PPP1R8: variants seen among roughly 807,000 people sequenced by gnomAD.
PPP1R8 encodes the protein nuclear inhibitor of protein phosphatase 1.
In PPP1R8, 4 loss-of-function variants were observed where a neutral mutation model predicts 31.3. The ratio of observed to expected loss-of-function variants is 0.13; its 90% CI spans 0.06 to 0.29. The LOEUF is 0.29. PPP1R8 is among the 10% of genes least tolerant of loss of function. PPP1R8 has a pLI of 1.00. For synonymous variants in PPP1R8, 170 were observed against 169.7 expected (o/e 1.00, Z -0.01); for missense variants, 254 against 440.1 (o/e 0.58, Z 3.78).
chr1:27,847,223 G>T (rs945074438), intron 6 of PPP1R8, 131 bp downstream of exon 6: 6 of 870,656 alleles, frequency 6.9e-6, no homozygotes, highest in African/African-American at 1.7e-5. Flanking sequence ...TCAAGAAATC[G>T]AGGCCAGGCA....
intron 2 of PPP1R8, among the ~76,000 whole-genome samples, chr1:27,836,797 T>A (rs2089170910): frequency 6.6e-6 from 1 of 151,880 alleles, no homozygotes; most frequent in Admixed American, 6.6e-5. Flanking sequence ...TTTGGGAGGT[T>A]GAGGCTGGCC....
rs772719531 is a variant in PPP1R8 at position 27,830,824 on chromosome 1, G to A, written c.-12G>A. 5 of 1,573,862 alleles carry A rather than the reference G, an allele frequency of 3.2e-6. No individual in the cohort carries two copies. In the South Asian group the frequency reaches 4.7e-5, roughly 15 times the overall value. ...TGCTTAGGGCGCGCCAAATGGGAGG[G>A]GGAGACGCAAGATGGCGGCAGCCGC... is the stretch of plus-strand genomic sequence containing the variant. On this transcript the variant is annotated 5_prime_UTR_variant, in exon 1 of 7. Coordinates refer to ENST00000311772, the MANE Select transcript of PPP1R8 (RefSeq NM_014110.5).
intron 5 of PPP1R8, among the ~76,000 whole-genome samples, chr1:27,845,246 T>C (rs1362847399): frequency 6.7e-6 from 1 of 150,308 alleles, no homozygotes; most frequent in African/African-American, 2.5e-5. Flanking sequence ...AAAAATTAGC[T>C]GGGTGTGGTG....
intron 6 of PPP1R8, 140 bp downstream of exon 6, chr1:27,847,232 C>G: frequency 1.3e-6 from 1 of 771,134 alleles, no homozygotes; most frequent in Non-Finnish European, 2.2e-6. Context: ...CGAGGCCAGG[C>G]ACAGTGGCTC....
intron 2 of PPP1R8, among the ~76,000 whole-genome samples, chr1:27,835,263 T>C (rs1459093852): frequency 6.6e-6 from 1 of 152,166 alleles, no homozygotes; most frequent in Non-Finnish European, 1.5e-5. Context: ...TTTAAGTTTG[T>C]GACAGCATAA....
chr1:27,838,622 A>G, intron 2 of PPP1R8, 77 bp from the exon 3 acceptor site: 1 of 978,680 alleles, frequency 1.0e-6, no homozygotes, highest in Non-Finnish European at 1.4e-6. Context: ...TCTACTCAAG[A>G]TTCTCTATTT....
intron 1 of PPP1R8, chr1:27,831,131 C>A: frequency 7.7e-7 from 1 of 1,300,898 alleles, no homozygotes; most frequent in Non-Finnish European, 9.7e-7. Flanking sequence ...ACTTAGGCAG[C>A]CCCTTTGAGC....
chr1:27,850,778 G>A lies in PPP1R8; in HGVS notation c.*332G>A, dbSNP rs1185838644. The A allele has an allele frequency of 9.0e-6, 2 of 221,154 alleles. No homozygotes were observed. The highest frequency in any genetic ancestry group is 1.8e-5 in the Non-Finnish European group (2 of 110,788). The allele number at this position is 221,154 out of a possible 1,614,324, so 13.7% of individuals were successfully genotyped here. ...AAAGTCACATATCCCAGGCCCTCAG[G>A]TTGAATCCAGAGCTGTAGAGGTTAC... On this transcript the variant is annotated 3_prime_UTR_variant, in exon 7 of 7. Coordinates refer to ENST00000311772, the MANE Select transcript of PPP1R8 (RefSeq NM_014110.5).
intron 2 of PPP1R8, among the ~76,000 whole-genome samples, chr1:27,836,830 G>A (rs545526392): frequency 9.7e-4 from 148 of 151,946 alleles, no homozygotes; most frequent in African/African-American, 3.1e-3. Context: ...TGAGGAGTTC[G>A]AGACCAGCCT....
At chr1:27,839,707 A>T (rs774212186) in intron 3 of PPP1R8, among the ~76,000 whole-genome samples, 35 of 152,214 alleles carry the variant, frequency 2.3e-4, no homozygotes, top group Non-Finnish European at 2.2e-4. Context: ...AAATTTCATT[A>T]TTCTGGTTCT....
intron 4 of PPP1R8, among the ~76,000 whole-genome samples, chr1:27,841,535 C>G (rs775269181): frequency 7.9e-5 from 12 of 152,240 alleles, no homozygotes; most frequent in Non-Finnish European, 1.6e-4. Context: ...CTACATTTCT[C>G]TGTCCCTTGA....
chr1:27,831,636 A>G (rs1432081229), intron 1 of PPP1R8, among the ~76,000 whole-genome samples: 1 of 152,134 alleles, frequency 6.6e-6, no homozygotes, highest in African/African-American at 2.4e-5. Context: ...TGCCATCCTC[A>G]AGGGCAAAGA....
chr1:27,842,069 A>G (rs907599446), intron 4 of PPP1R8, among the ~76,000 whole-genome samples: 3 of 152,208 alleles, frequency 2.0e-5, no homozygotes, highest in African/African-American at 4.8e-5. Context: ...GGCCGGGCAC[A>G]GTGGCTCATG....
chr1:27,848,668 C>G (rs2089309363), intron 6 of PPP1R8, among the ~76,000 whole-genome samples: 1 of 152,088 alleles, frequency 6.6e-6, no homozygotes, highest in South Asian at 2.1e-4. Context: ...CCTGCTTAGA[C>G]TTTGTTTAAT....
intron 6 of PPP1R8, among the ~76,000 whole-genome samples, chr1:27,847,600 G>A (rs1172623660): frequency 6.6e-6 from 1 of 151,684 alleles, no homozygotes; most frequent in Admixed American, 6.6e-5. Flanking sequence ...GTGTGGTGGC[G>A]CATTCCTGTA....
rs2089333557 is a variant in PPP1R8 at position 27,850,516 on chromosome 1, C to T, written c.*70C>T. ...GGAAGGGTGATGGGGAGCTAATGAA[C>T]TAGGGAGAAAAACTTTCCATGTGTG... On this transcript the variant is annotated 3_prime_UTR_variant, in exon 7 of 7. Transcript: ENST00000311772. 1 of 1,384,310 alleles carries T rather than the reference C, an allele frequency of 7.2e-7. No individual in the cohort carries two copies. Among genetic ancestry groups the T allele is most frequent in the South Asian group, 1.4e-5 (1 of 71,428 alleles). The allele number at this position is 1,384,310 out of a possible 1,614,324, so 85.8% of individuals were successfully genotyped here.
chr1:27,836,834 C>A (rs1037084784), intron 2 of PPP1R8, among the ~76,000 whole-genome samples: 9 of 150,972 alleles, frequency 6.0e-5, no homozygotes, highest in Non-Finnish European at 1.2e-4. Context: ...GAGTTCGAGA[C>A]CAGCCTGGGC....
Position 27,851,370 on chromosome 1 carries a change from C to G in PPP1R8, c.*924C>G. 1 of 348,786 alleles carries G rather than the reference C, an allele frequency of 2.9e-6. No individual in the cohort carries two copies. Among genetic ancestry groups the G allele is most frequent in the Non-Finnish European group, 5.7e-6 (1 of 174,466 alleles). 21.6% of individuals were successfully genotyped at this position (348,786 alleles called of 1,614,324 possible). A position where few individuals can be genotyped will look rare whatever the true frequency, so the allele number is the denominator to read the frequency against. On this transcript the variant is annotated 3_prime_UTR_variant, in exon 7 of 7. Coordinates refer to ENST00000311772, the MANE Select transcript of PPP1R8 (RefSeq NM_014110.5). ...GCTCTTGTTATTCAGAGCTCCAAGA[C>G]TAGACCTGGCTAACAAACATAGGAG...
intron 6 of PPP1R8, 130 bp downstream of exon 6, chr1:27,847,222 C>A: frequency 2.3e-6 from 2 of 867,278 alleles, no homozygotes; most frequent in Non-Finnish European, 3.8e-6. Flanking sequence ...GTCAAGAAAT[C>A]GAGGCCAGGC....
Sources: gnomAD v4.1 joint callset for allele counts (sites outside exome capture counted in the v4.1 genomes callset) on GRCh38, gnomAD v4.1.1 for gene constraint, MANE v1.5 for transcripts, NCBI Gene and HGNC (gene_info 2026-07-23, HGNC 2026-07-21) for gene names.